Variants in MIGA1 observed in about 807,000 individuals in gnomAD.
MIGA1 encodes the protein family with sequence similarity 73, member A.
In MIGA1, 58 loss-of-function variants were observed where a neutral mutation model predicts 82.0. The observed-to-expected ratio is 0.71, with a 90% confidence interval of 0.57 to 0.88. The LOEUF is 0.88. Ranked by LOEUF, MIGA1 falls within the 40% of genes least tolerant of loss-of-function variation. MIGA1 has a pLI of 0.00. For synonymous variants in MIGA1, 249 were observed against 253.6 expected, an observed-to-expected ratio of 0.98 and a Z score of 0.17; for missense variants, 751 against 749.1, an observed-to-expected ratio of 1.00 and a Z score of -0.03.
At chr1:77,858,245 G>T (rs1393991036) in intron 8 of MIGA1, among the ~76,000 whole-genome samples, 1 of 152,004 alleles carries the variant, frequency 6.6e-6, no homozygotes, top group East Asian at 1.9e-4. Flanking sequence ...TACTCTGGAG[G>T]CTGAGGCAGG....
chr1:77,833,295 A>G (rs550084078), intron 7 of MIGA1, among the ~76,000 whole-genome samples: 1 of 152,346 alleles, frequency 6.6e-6, no homozygotes. Flanking sequence ...ATTGTACAAC[A>G]TATGAGAAAT....
chr1:77,843,498 T>TA, intron 8 of MIGA1, 91 bp downstream of exon 8: 1 of 987,526 alleles, frequency 1.0e-6, no homozygotes, highest in Non-Finnish European at 1.6e-6. Flanking sequence ...GTTTGGTCAC[T>TA]ATTTATTTAG....
At chr1:77,790,780 G>T (rs1682383626) in intron 2 of MIGA1, among the ~76,000 whole-genome samples, 1 of 151,450 alleles carries the variant, frequency 6.6e-6, no homozygotes, top group East Asian at 2.0e-4. Context: ...TAGAGATGGG[G>T]TTTCACCATG....
At chr1:77,874,805 A>C in intron 15 of MIGA1, 41 bp from the exon 16 acceptor site, 3 of 1,411,690 alleles carry the variant, frequency 2.1e-6, no homozygotes, top group Non-Finnish European at 3.0e-6. Flanking sequence ...AATGTAACTT[A>C]ATTTTGGTCT....
chr1:77,835,594 A>T (rs888680703), intron 7 of MIGA1, among the ~76,000 whole-genome samples: 6 of 152,202 alleles, frequency 3.9e-5, no homozygotes, highest in Non-Finnish European at 7.3e-5. Flanking sequence ...TGTAAGCTGC[A>T]TATTTCAGGT....
At chr1:77,858,344 C>CA (rs762233339) in intron 8 of MIGA1, among the ~76,000 whole-genome samples, 10,015 of 129,412 alleles carry the variant, frequency 0.077, 862 homozygotes, top group African/African-American at 0.23. Context: ...GACCCTGTCT[C>CA]AAAAAAAAAA....
At position 77,786,038 on chromosome 1, in the gene MIGA1, C is replaced by A. The variant is rs531776853; in HGVS notation, c.195+2687C>A. On this transcript the variant is annotated intron_variant, in intron 2 of 15. Transcript: ENST00000370791. ...GCCTGGGCATCCAGGCATTTCCATA[C>A]ATCTTCTGAAATCTAGGTGGAGGTT... Among the ~76,000 whole-genome samples, 78 of 152,382 alleles carry A rather than the reference C, an allele frequency of 5.1e-4. 1 individual carries two copies. Among genetic ancestry groups the A allele is most frequent in the African/African-American group, 1.9e-3 (77 of 41,596 alleles).
intron 5 of MIGA1, among the ~76,000 whole-genome samples, chr1:77,812,884 C>T (rs984246711): frequency 2.0e-5 from 3 of 152,260 alleles, no homozygotes; most frequent in East Asian, 3.9e-4. Flanking sequence ...TATCCAAATC[C>T]GCCTGTTGGG....
rs1557943116 is a variant in MIGA1, at chr1:77,875,121, G to A, written c.*57G>A. On this transcript the variant is annotated 3_prime_UTR_variant, in exon 16 of 16. Transcript: ENST00000370791. Reference sequence around the variant, plus strand: ...TATGAAATATTTTAAGGTAACTATTGATTTTGTAACATATATTACAAAGTT... The same window carrying A: ...TATGAAATATTTTAAGGTAACTATTAATTTTGTAACATATATTACAAAGTT... 1 of 1,368,812 alleles carries A rather than the reference G, an allele frequency of 7.3e-7. No homozygotes were observed. The highest frequency in any genetic ancestry group is 2.3e-5 in the East Asian group (1 of 42,564). 84.8% of individuals were successfully genotyped at this position (1,368,812 alleles called of 1,614,324 possible).
intron 8 of MIGA1, among the ~76,000 whole-genome samples, chr1:77,851,775 A>G (rs993631367): frequency 1.3e-5 from 2 of 152,182 alleles, no homozygotes; most frequent in Non-Finnish European, 2.9e-5. Flanking sequence ...CAATAATTCA[A>G]GACTCAACTC....
intron 8 of MIGA1, chr1:77,847,409 C>T (rs935355772): frequency 8.1e-6 from 11 of 1,353,712 alleles, no homozygotes; most frequent in Non-Finnish European, 1.2e-5. Context: ...ACTGAAAGCC[C>T]AAGTATATTC....
rs202191692 is a variant in MIGA1 at position 77,809,107 on chromosome 1, AAACAAC to A, written c.637+2030_637+2035del. On this transcript the variant is annotated intron_variant, in intron 5 of 15. Coordinates refer to ENST00000370791, the MANE Select transcript of MIGA1 (RefSeq NM_198549.4). ...CTGGGTGACAGAGCCCGTTTTCTTAAAACAACAACAACAACAACAACAACAACAAAA... is the reference window on the plus strand; with the variant it reads ...CTGGGTGACAGAGCCCGTTTTCTTAAAACAACAACAACAACAACAACAAAA... Among the ~76,000 whole-genome samples, 328 of 151,582 alleles carry A rather than the reference AAACAAC, an allele frequency of 2.2e-3. 1 individual carries two copies. Among genetic ancestry groups the A allele is most frequent in the Non-Finnish European group, 4.0e-3 (270 of 67,874 alleles).
chr1:77,845,937 G>A (rs560738154), intron 8 of MIGA1, among the ~76,000 whole-genome samples: 2 of 150,960 alleles, frequency 1.3e-5, no homozygotes, highest in Non-Finnish European at 2.9e-5. Flanking sequence ...TTGGAACCAC[G>A]GATGAAAAGC....
rs1401696367 is a variant in MIGA1, at chr1:77,861,297, C to G, written c.1349C>G (p.Thr450Ser). Residue 450 changes from threonine to serine, a missense_variant, in exon 12 of 16, where the codon ACT (threonine) becomes AGT (serine). By Grantham distance (58) the Thr-to-Ser change is moderately conservative. Around this residue, in one of 3 missense-constraint regions of MIGA1, gnomAD observed 265 missense variants for 293.6 expected, o/e 0.90. Coordinates refer to ENST00000370791, the MANE Select transcript of MIGA1 (RefSeq NM_198549.4). ...GAGCAGACCGATCACTGGGGTAGTA[C>G]TGAAATGGAACTTGCTGCTAGAGGG... The G allele has an allele frequency of 6.2e-7, 1 of 1,611,960 alleles. No homozygotes were observed. The highest frequency in any genetic ancestry group is 1.7e-5 in the Admixed American group (1 of 59,874).
chr1:77,868,413 G>A (rs1264462078), intron 14 of MIGA1: 1 of 152,166 alleles, frequency 6.6e-6, no homozygotes, highest in Non-Finnish European at 1.5e-5. Flanking sequence ...TTTTGGCAAA[G>A]ATGGGGTTTC....
chr1:77,781,867 G>A lies in MIGA1; in HGVS notation c.82-1371G>A, dbSNP rs534804073. ...TAAAGGAAACCACTACTTAATCAGT[G>A]GTTTTGACACTTGTCTGAAAACAGG... On this transcript the variant is annotated intron_variant, in intron 1 of 15. Transcript: ENST00000370791. Among the ~76,000 whole-genome samples the A allele has an allele frequency of 5.3e-5, 8 of 152,268 alleles. No individual in the cohort carries two copies. In the South Asian group the frequency reaches 1.2e-3, roughly 24 times the overall value.
rs142557286 is a variant in MIGA1 at position 77,836,812 on chromosome 1, T to A, written c.896-6495T>A. ...AAGCAGTAAGTTTTTTTCTTTTTTT[T>A]AAAATAATTGATAGAAAAGAACATT... On this transcript the variant is annotated intron_variant, in intron 7 of 15. Transcript: ENST00000370791. 4.8e-3 allele frequency among the ~76,000 whole-genome samples: 732 copies of A among 152,246 alleles called. 5 individuals are homozygous for A. Among genetic ancestry groups the A allele is most frequent in the African/African-American group, 7.7e-3 (319 of 41,550 alleles).
chr1:77,851,720 T>C (rs190247812), intron 8 of MIGA1, among the ~76,000 whole-genome samples: 1 of 152,338 alleles, frequency 6.6e-6, no homozygotes, highest in Admixed American at 6.5e-5. Flanking sequence ...AGGAGGCTTC[T>C]TTAAACGATT....
intron 15 of MIGA1, 84 bp downstream of exon 15, chr1:77,873,204 T>C (rs896753831): frequency 7.6e-7 from 1 of 1,316,814 alleles, no homozygotes; most frequent in Non-Finnish European, 1.1e-6. Flanking sequence ...TTTGCTTTTG[T>C]AGAAGAACAA....
Sources: allele counts gnomAD v4.1 joint callset (sites outside exome capture counted in the v4.1 genomes callset), GRCh38; gene constraint gnomAD v4.1.1; regional missense constraint gnomAD v4.1.1; transcripts MANE v1.5; gene names NCBI Gene and HGNC (gene_info 2026-07-23, HGNC 2026-07-21).